IQSEC1: variants seen among roughly 807,000 people sequenced by gnomAD.
IQSEC1 encodes IQ motif and SEC7 domain-containing protein 1.
IQSEC1 carries 31 observed loss-of-function variants against 91.0 expected under a neutral mutation model. The observed-to-expected ratio is 0.34, with a 90% CI of 0.26 to 0.46. The LOEUF (loss-of-function observed/expected upper bound fraction) is 0.46. Among genes scored for constraint, IQSEC1 ranks in the 20% least tolerant of loss-of-function variants. The pLI is 1.00. For missense variants in IQSEC1, 1,388 were observed against 1,575.6 expected, an observed-to-expected ratio of 0.88 and a Z score of 2.02; for synonymous variants, 699 against 662.6, an observed-to-expected ratio of 1.05 and a Z score of -0.84.
At chr3:12,980,397 C>T (rs1269679990) in intron 1 of IQSEC1, among the ~76,000 whole-genome samples, 1 of 152,240 alleles carries the variant, frequency 6.6e-6, no homozygotes, top group South Asian at 2.1e-4. Flanking sequence ...CCACTTCAGG[C>T]TCCTGGAGTT....
At chr3:12,939,835 CTA>C (rs1291703139) in intron 2 of IQSEC1, among the ~76,000 whole-genome samples, 1 of 152,184 alleles carries the variant, frequency 6.6e-6, no homozygotes, top group Non-Finnish European at 1.5e-5. Flanking sequence ...TTTAGAATCC[CTA>C]GAGTTTGCAT....
intron 1 of IQSEC1, among the ~76,000 whole-genome samples, chr3:13,047,745 G>A (rs1704553012): frequency 6.6e-6 from 1 of 152,156 alleles, no homozygotes; most frequent in African/African-American, 2.4e-5. Context: ...CCATGGCAAT[G>A]TCAAGTCCCA....
rs148427042 is a variant in IQSEC1 at position 12,935,951 on chromosome 3, C to G, written c.1065G>C (p.Glu355Asp). 5.1e-4 allele frequency: 809 copies of G among 1,598,384 alleles called. No individual in the cohort carries two copies. Among genetic ancestry groups the G allele is most frequent in the Non-Finnish European group, 6.3e-4 (746 of 1,179,394 alleles). The change falls in exon 3 of 14, where the codon GAG becomes GAC. Residue 355 changes from glutamate to aspartate, a missense_variant. Transcript: ENST00000613206. The surrounding 1 kb of genome is among the most constrained non-coding windows in gnomAD (Gnocchi z 8.0). ...CRSTPSLERQ[E>D]QRLRVEHLPL... The stretch of plus-strand genomic sequence containing the variant: ...GCAGATGCTCCACCCGCAGCCGCTG[C>G]TCCTGCCGCTCCAGCGACGGCGTGC...
intron 7 of IQSEC1, 96 bp from the exon 8 acceptor site, chr3:12,915,229 G>T: frequency 7.5e-7 from 1 of 1,339,976 alleles, no homozygotes; most frequent in Non-Finnish European, 1.0e-6. Flanking sequence ...CTACCCTTGG[G>T]ATCCACCCAG....
At chr3:13,240,478 G>A (rs1484223401) in intron 1 of IQSEC1, among the ~76,000 whole-genome samples, 1 of 152,202 alleles carries the variant, frequency 6.6e-6, no homozygotes, top group Non-Finnish European at 1.5e-5. Flanking sequence ...TCAGAGGCTT[G>A]GAGGAACCCA....
At chr3:12,965,005 G>A (rs183094181) in intron 1 of IQSEC1, among the ~76,000 whole-genome samples, 22 of 152,282 alleles carry the variant, frequency 1.4e-4, no homozygotes, top group Non-Finnish European at 2.6e-4. Context: ...TTCATAGTCC[G>A]ACTTCCTTGA....
intron 9 of IQSEC1, 118 bp from the exon 10 acceptor site, chr3:12,911,846 C>A: frequency 1.4e-6 from 1 of 726,348 alleles, no homozygotes. Context: ...GACAAGCCCA[C>A]GTGAGTGGAG....
intron 1 of IQSEC1, among the ~76,000 whole-genome samples, chr3:12,950,632 C>T (rs1699478769): frequency 6.7e-6 from 1 of 148,154 alleles, no homozygotes; most frequent in African/African-American, 2.5e-5. Flanking sequence ...CATAATGAGA[C>T]TCCATCTCTA....
intron 2 of IQSEC1, 141 bp downstream of exon 2, chr3:12,941,430 G>T (rs1698736539): frequency 2.4e-6 from 2 of 836,070 alleles, no homozygotes; most frequent in Non-Finnish European, 3.6e-6. Flanking sequence ...TGGAACTGGG[G>T]CAGAGCCCTC....
At chr3:13,082,905 A>G (rs919034785) in intron 2 of IQSEC1, among the ~76,000 whole-genome samples, 3 of 152,034 alleles carry the variant, frequency 2.0e-5, no homozygotes, top group African/African-American at 4.8e-5. Context: ...CCTTTGCACG[A>G]CTGCCACCCT....
At chr3:12,998,596 G>A (rs1293986158) in intron 1 of IQSEC1, among the ~76,000 whole-genome samples, 1 of 151,870 alleles carries the variant, frequency 6.6e-6, no homozygotes, top group East Asian at 1.9e-4. Flanking sequence ...GAGCAGCCTG[G>A]GTTAATGTAG....
chr3:12,982,932 G>C (rs1439071869), intron 1 of IQSEC1, among the ~76,000 whole-genome samples: 1 of 152,282 alleles, frequency 6.6e-6, no homozygotes, highest in African/African-American at 2.4e-5. Context: ...ACAGTGGCAA[G>C]GTGCGGGCCC....
At chr3:13,021,580 G>A (rs1406406645) in intron 1 of IQSEC1, among the ~76,000 whole-genome samples, 4 of 152,208 alleles carry the variant, frequency 2.6e-5, no homozygotes, top group Non-Finnish European at 5.9e-5. Context: ...TTAAACCTGG[G>A]CAGCCTGGTG....
At chr3:13,143,220 A>G (rs1307603295) in intron 2 of IQSEC1, among the ~76,000 whole-genome samples, 3 of 152,214 alleles carry the variant, frequency 2.0e-5, no homozygotes, top group Non-Finnish European at 4.4e-5. Flanking sequence ...CACTCAGTGC[A>G]TGCTTGTTGA....
intron 3 of IQSEC1, among the ~76,000 whole-genome samples, chr3:12,930,640 G>A (rs1697584274): frequency 6.6e-6 from 1 of 152,202 alleles, no homozygotes; most frequent in Admixed American, 6.5e-5. Context: ...TCTGGCAAGG[G>A]GCAGGGCCAA....
intron 1 of IQSEC1, among the ~76,000 whole-genome samples, chr3:13,026,015 C>T (rs903031472): frequency 6.6e-6 from 1 of 152,244 alleles, no homozygotes; most frequent in Admixed American, 6.5e-5. Context: ...CCCCAGTCTG[C>T]TCTGGGCCCG....
chr3:13,047,933 C>G (rs1317227115), intron 1 of IQSEC1, among the ~76,000 whole-genome samples: 1 of 152,160 alleles, frequency 6.6e-6, no homozygotes, highest in African/African-American at 2.4e-5. Context: ...GGGTTTGGGC[C>G]CACCCAGCCT....
chr3:12,989,588 T>C (rs2125622667), intron 1 of IQSEC1, among the ~76,000 whole-genome samples: 1 of 152,264 alleles, frequency 6.6e-6, no homozygotes, highest in South Asian at 2.1e-4. Context: ...CTAGGATCAC[T>C]GAACTGGAAG....
chr3:13,174,350 C>T (rs1210480501), intron 1 of IQSEC1, among the ~76,000 whole-genome samples: 1 of 152,152 alleles, frequency 6.6e-6, no homozygotes. Flanking sequence ...ACCAAACTCA[C>T]GTGGCCAGCT....
Sources: allele counts gnomAD v4.1 joint callset (sites outside exome capture counted in the v4.1 genomes callset), GRCh38; gene constraint gnomAD v4.1.1; non-coding constraint Gnocchi (gnomAD v3.1); transcripts MANE v1.5; gene names NCBI Gene and HGNC (gene_info 2026-07-23, HGNC 2026-07-21).